LAMA2: variants seen among roughly 807,000 people sequenced by gnomAD.
LAMA2 encodes laminin subunit alpha 2.
In LAMA2, 269 loss-of-function variants were observed where a neutral mutation model predicts 364.8. The observed-to-expected ratio is 0.74, with a 90% confidence interval of 0.67 to 0.82. LAMA2 has a LOEUF of 0.82. Ranked by LOEUF, LAMA2 falls within the 40% of genes least tolerant of loss-of-function variation. The pLI, the probability that LAMA2 is intolerant of heterozygous loss-of-function variation, is 0.00. For synonymous variants in LAMA2, 1,379 were observed against 1,370.6 expected (o/e 1.01, Z -0.14); for missense variants, 3,807 against 3,873.2 (o/e 0.98, Z 0.45).
chr6:129,111,674 A>G (rs914616090), intron 4 of LAMA2, among the ~76,000 whole-genome samples: 13 of 152,026 alleles, frequency 8.6e-5, no homozygotes, highest in African/African-American at 2.7e-4. Flanking sequence ...TAGCAAAAGT[A>G]TCAATGGGAA....
chr6:129,497,089 A>T (rs917130817), intron 58 of LAMA2, among the ~76,000 whole-genome samples: 45 of 152,180 alleles, frequency 3.0e-4, no homozygotes, highest in Admixed American at 1.4e-3. Flanking sequence ...GGTGCTGGAA[A>T]AAAAGGGATG....
At chr6:128,953,067 T>C (rs1780931271) in intron 1 of LAMA2, among the ~76,000 whole-genome samples, 1 of 152,194 alleles carries the variant, frequency 6.6e-6, no homozygotes, top group Admixed American at 6.5e-5. Flanking sequence ...TTAATCTCTG[T>C]TGGCCTTGCA....
intron 4 of LAMA2, among the ~76,000 whole-genome samples, chr6:129,104,022 C>CT (rs1213972486): frequency 2.6e-5 from 4 of 151,734 alleles, no homozygotes; most frequent in East Asian, 1.9e-4. Flanking sequence ...TCCTTCCTTC[C>CT]TTTTTTTTCT....
At chr6:128,962,604 A>G (rs964001778) in intron 1 of LAMA2, among the ~76,000 whole-genome samples, 7 of 152,140 alleles carry the variant, frequency 4.6e-5, no homozygotes, top group Non-Finnish European at 1.0e-4. Context: ...TTAATTGTTA[A>G]ACAATAAAGT....
At chr6:129,129,896 C>G (rs903019823) in intron 4 of LAMA2, among the ~76,000 whole-genome samples, 9 of 144,524 alleles carry the variant, frequency 6.2e-5, no homozygotes, top group African/African-American at 2.1e-4. Flanking sequence ...TGCACTCCAG[C>G]CTGGGCGACA....
At chr6:129,359,228 A>T (rs1254059750) in intron 32 of LAMA2, among the ~76,000 whole-genome samples, 1 of 149,270 alleles carries the variant, frequency 6.7e-6, no homozygotes, top group Non-Finnish European at 1.5e-5. Flanking sequence ...TTTCCCATGT[A>T]TTATATATAG....
At chr6:129,144,172 G>A (rs779877540) in intron 5 of LAMA2, 92 bp downstream of exon 5, 38 of 941,926 alleles carry the variant, frequency 4.0e-5, no homozygotes, top group Non-Finnish European at 5.9e-5. Flanking sequence ...TCAGTGATTT[G>A]TAGGAGTGGT....
At position 128,917,706 on chromosome 6, in the gene LAMA2, TTTTCTTTC is replaced by T. The variant is rs5879915; in HGVS notation, c.112+34373_112+34380del. Among the ~76,000 whole-genome samples the T allele has an allele frequency of 4.0e-3, 397 of 98,386 alleles. 6 individuals carry two copies. Among genetic ancestry groups the T allele is most frequent in the Non-Finnish European group, 4.1e-3 (215 of 52,028 alleles). The allele number at this position is 98,386 out of a possible 152,430, so 64.5% of individuals were successfully genotyped here. On this transcript the variant is annotated intron_variant, in intron 1 of 64. Transcript: ENST00000421865. ...CTATTATCTGTCCTTTTTCTTTTTT[TTTTCTTTC>T]TTTCTTTCTTTCTTTCTTTCTTTTT... is the stretch of plus-strand genomic sequence containing the variant.
intron 22 of LAMA2, among the ~76,000 whole-genome samples, chr6:129,301,319 C>T (rs1189269796): frequency 6.6e-6 from 1 of 152,072 alleles, no homozygotes; most frequent in Non-Finnish European, 1.5e-5. Context: ...GGAAAATAAT[C>T]ATTTTTTCCC....
At chr6:129,486,190 T>G (rs1784575646) in intron 55 of LAMA2, among the ~76,000 whole-genome samples, 1 of 152,180 alleles carries the variant, frequency 6.6e-6, no homozygotes, top group African/African-American at 2.4e-5. Flanking sequence ...TTTTATAAGT[T>G]AGAGGACCAA....
chr6:129,049,272 A>G (rs2114772763), intron 1 of LAMA2, among the ~76,000 whole-genome samples: 1 of 152,326 alleles, frequency 6.6e-6, no homozygotes, highest in East Asian at 1.9e-4. Context: ...ATGAAAGTTA[A>G]AAACTTCTAT....
intron 20 of LAMA2, among the ~76,000 whole-genome samples, chr6:129,296,571 T>C (rs1773193341): frequency 6.6e-6 from 1 of 152,060 alleles, no homozygotes; most frequent in African/African-American, 2.4e-5. Flanking sequence ...ATTTCACTTT[T>C]ATAACTTATT....
intron 46 of LAMA2, among the ~76,000 whole-genome samples, chr6:129,453,657 C>G (rs1211567577): frequency 6.6e-6 from 1 of 152,110 alleles, no homozygotes; most frequent in Non-Finnish European, 1.5e-5. Flanking sequence ...AACTATTTGA[C>G]TTTGCATGCA....
At chr6:129,372,954 G>GTGTC (rs1778171384) in intron 34 of LAMA2, among the ~76,000 whole-genome samples, 1 of 152,134 alleles carries the variant, frequency 6.6e-6, no homozygotes, top group Non-Finnish European at 1.5e-5. Context: ...CTTTGGTAAG[G>GTGTC]TGTCTATTTA....
chr6:129,049,859 G>A, intron 1 of LAMA2, 59 bp from the exon 2 acceptor site: 2 of 1,464,760 alleles, frequency 1.4e-6, no homozygotes, highest in Non-Finnish European at 1.9e-6. Flanking sequence ...CTTTTAAAAT[G>A]TATCAAAATC....
rs191707489 is a variant in LAMA2 at position 129,012,816 on chromosome 6, C to T, written c.113-37102C>T. On this transcript the variant is annotated intron_variant, in intron 1 of 64. Coordinates refer to ENST00000421865, the MANE Select transcript of LAMA2 (RefSeq NM_000426.4). ...TAATTATGTTTTTGCCTGTGAGATA[C>T]GGATTTTGGAGGCTGTATTTGCAAT... Among the ~76,000 whole-genome samples the T allele has an allele frequency of 1.9e-3, 286 of 152,210 alleles. 4 individuals carry two copies. Among genetic ancestry groups the T allele is most frequent in the East Asian group, 3.9e-4 (2 of 5,186 alleles).
intron 12 of LAMA2, among the ~76,000 whole-genome samples, chr6:129,230,006 A>C (rs555499490): frequency 1.3e-5 from 2 of 152,306 alleles, no homozygotes; most frequent in East Asian, 3.9e-4. Flanking sequence ...CTGAAGATGT[A>C]AAATGTTTGA....
At chr6:128,917,765 A>T (rs1582672898) in intron 1 of LAMA2, among the ~76,000 whole-genome samples, 7 of 97,260 alleles carry the variant, frequency 7.2e-5, no homozygotes, top group East Asian at 2.9e-4. Context: ...ACAGGCTCTT[A>T]CTCCGTTGCC....
intron 30 of LAMA2, among the ~76,000 whole-genome samples, chr6:129,347,323 G>T (rs892788893): frequency 6.6e-6 from 1 of 152,118 alleles, no homozygotes; most frequent in African/African-American, 2.4e-5. Flanking sequence ...TTTGGAGGGG[G>T]AGAAACTTAC....
Sources: allele counts gnomAD v4.1 joint callset (sites outside exome capture counted in the v4.1 genomes callset), GRCh38; gene constraint gnomAD v4.1.1; transcripts MANE v1.5; gene names NCBI Gene and HGNC (gene_info 2026-07-23, HGNC 2026-07-21).